Variants in KCNAB1 observed in about 807,000 individuals in gnomAD.
KCNAB1 encodes voltage-gated potassium channel subunit beta-1.
In KCNAB1, 35 loss-of-function variants were observed where a neutral mutation model predicts 64.6. The observed-to-expected ratio is 0.54, with a 90% confidence interval of 0.41 to 0.72. The LOEUF (loss-of-function observed/expected upper bound fraction) is 0.72, where lower values mean the gene tolerates loss of function less well. KCNAB1 is among the 30% of genes least tolerant of loss of function. The pLI is 0.00. For synonymous variants in KCNAB1, 177 were observed against 183.8 expected (o/e 0.96, Z 0.30); for missense variants, 401 against 512.9 (o/e 0.78, Z 2.11).
intron 1 of KCNAB1, among the ~76,000 whole-genome samples, chr3:156,262,046 T>C (rs952222431): frequency 2.6e-5 from 4 of 152,080 alleles, no homozygotes; most frequent in African/African-American, 9.6e-5. Flanking sequence ...GAAATATTGA[T>C]CTTATATTCT....
chr3:156,248,216 G>A (rs1717582571), intron 1 of KCNAB1, among the ~76,000 whole-genome samples: 1 of 152,182 alleles, frequency 6.6e-6, no homozygotes, highest in South Asian at 2.1e-4. Flanking sequence ...TTGAGCTTTT[G>A]TGATGTTTAC....
At chr3:156,196,622 G>A (rs1036282642) in intron 1 of KCNAB1, among the ~76,000 whole-genome samples, 17 of 152,148 alleles carry the variant, frequency 1.1e-4, no homozygotes, top group African/African-American at 4.1e-4. Flanking sequence ...TCTATCATTG[G>A]TGTATAGGAA....
chr3:156,131,575 A>C (rs1713999039), intron 1 of KCNAB1, among the ~76,000 whole-genome samples: 1 of 152,208 alleles, frequency 6.6e-6, no homozygotes, highest in South Asian at 2.1e-4. Flanking sequence ...AGGTAACCCT[A>C]GCTGCAAAAT....
intron 1 of KCNAB1, among the ~76,000 whole-genome samples, chr3:156,206,965 G>A (rs540467896): frequency 5.3e-5 from 8 of 152,326 alleles, no homozygotes; most frequent in South Asian, 2.1e-4. Flanking sequence ...TTTGCAGGAC[G>A]TGACATTGTC....
chr3:156,291,014 G>A, intron 1 of KCNAB1: 3 of 985,832 alleles, frequency 3.0e-6, no homozygotes, highest in Non-Finnish European at 3.6e-6. Flanking sequence ...CGCGGCATAA[G>A]CACCCCCTCT....
At chr3:156,262,999 C>T (rs1317279837) in intron 1 of KCNAB1, among the ~76,000 whole-genome samples, 2 of 151,296 alleles carry the variant, frequency 1.3e-5, no homozygotes, top group Admixed American at 1.3e-4. Context: ...AAGTTATATC[C>T]CCCTTTTAAT....
At chr3:156,524,834 C>T (rs1401065929) in intron 12 of KCNAB1, among the ~76,000 whole-genome samples, 1 of 147,306 alleles carries the variant, frequency 6.8e-6, no homozygotes, top group Non-Finnish European at 1.5e-5. Context: ...CACATTCAAT[C>T]ATGGGTGTCT....
intron 1 of KCNAB1, among the ~76,000 whole-genome samples, chr3:156,177,567 C>G (rs1712478241): frequency 6.6e-6 from 1 of 151,936 alleles, no homozygotes; most frequent in Admixed American, 6.6e-5. Context: ...TTAGTAGAGA[C>G]GGGGTTTCAC....
chr3:156,401,830 A>T (rs1713915875), intron 1 of KCNAB1, among the ~76,000 whole-genome samples: 1 of 152,102 alleles, frequency 6.6e-6, no homozygotes, highest in African/African-American at 2.4e-5. Flanking sequence ...GCAAGGCAGC[A>T]TTAAGAGAAA....
intron 1 of KCNAB1, among the ~76,000 whole-genome samples, chr3:156,140,472 T>C (rs555881082): frequency 6.6e-6 from 1 of 152,274 alleles, no homozygotes; most frequent in South Asian, 2.1e-4. Context: ...TGTCCTTACA[T>C]GGTGAAAAGA....
chr3:156,313,562 A>T (rs928790984), intron 1 of KCNAB1, among the ~76,000 whole-genome samples: 4 of 152,200 alleles, frequency 2.6e-5, no homozygotes, highest in Non-Finnish European at 5.9e-5. Flanking sequence ...TAGCTTTGAG[A>T]TGGAAGAAGG....
At chr3:156,522,042 A>G (rs1344683274) in intron 11 of KCNAB1, among the ~76,000 whole-genome samples, 1 of 75,408 alleles carries the variant, frequency 1.3e-5, no homozygotes, top group Non-Finnish European at 3.2e-5. Flanking sequence ...ACACACATAA[A>G]TAGAACTTGT....
At chr3:156,162,826 A>T (rs997894491) in intron 1 of KCNAB1, among the ~76,000 whole-genome samples, 15 of 152,152 alleles carry the variant, frequency 9.9e-5, no homozygotes, top group Non-Finnish European at 2.9e-5. Flanking sequence ...CCTTCATTTG[A>T]TTAGCTGCTT....
intron 1 of KCNAB1, among the ~76,000 whole-genome samples, chr3:156,128,307 GTGT>G (rs1713787824): frequency 6.7e-6 from 1 of 149,522 alleles, no homozygotes; most frequent in African/African-American, 2.6e-5. Flanking sequence ...GGGGCACACT[GTGT>G]TGTTTATAGA....
At chr3:156,171,220 C>CACACAT (rs1553812738) in intron 1 of KCNAB1, among the ~76,000 whole-genome samples, 269 of 151,964 alleles carry the variant, frequency 1.8e-3, no homozygotes, top group African/African-American at 6.2e-3. Context: ...CACACACACA[C>CACACAT]ACACACTGAA....
rs751547774 is a variant in KCNAB1, at chr3:156,260,402, G to T, written c.275+139516G>T. On this transcript the variant is annotated intron_variant, in intron 1 of 13. Transcript: ENST00000490337. ...ATATTCTCCTATCCTCAAAAAGTTC[G>T]CTCATTCCTGTTTGCAGTTAATCCC... 1.4e-4 allele frequency among the ~76,000 whole-genome samples: 22 copies of T among 152,128 alleles called. No homozygotes were observed. The Middle Eastern group carries it at 0.01, about 71-fold the overall frequency.
intron 1 of KCNAB1, among the ~76,000 whole-genome samples, chr3:156,164,707 G>A (rs1234324757): frequency 3.3e-5 from 5 of 152,084 alleles, no homozygotes; most frequent in Non-Finnish European, 7.4e-5. Context: ...TCCGGGCCTC[G>A]GTACCAGTGA....
At chr3:156,131,455 C>T (rs533980197) in intron 1 of KCNAB1, among the ~76,000 whole-genome samples, 20 of 152,314 alleles carry the variant, frequency 1.3e-4, no homozygotes, top group African/African-American at 4.3e-4. Flanking sequence ...CTAGGCTTCC[C>T]GCCAGATATC....
intron 1 of KCNAB1, among the ~76,000 whole-genome samples, chr3:156,384,291 G>A (rs868857086): frequency 6.6e-6 from 1 of 152,294 alleles, no homozygotes; most frequent in African/African-American, 2.4e-5. Flanking sequence ...ACTAAGGAGA[G>A]TATATTCAAC....
Sources: gnomAD v4.1 joint callset for allele counts (sites outside exome capture counted in the v4.1 genomes callset) on GRCh38, gnomAD v4.1.1 for gene constraint, MANE v1.5 for transcripts, NCBI Gene and HGNC (gene_info 2026-07-23, HGNC 2026-07-21) for gene names.